The following SPOCK3 variants were observed in gnomAD, a reference collection of about 807,000 sequenced individuals.
SPOCK3 encodes SPARC (osteonectin), cwcv and kazal like domains proteoglycan 3, also known as testican-3.
In SPOCK3, 30 loss-of-function variants were observed where a neutral mutation model predicts 56.6. The ratio of observed to expected loss-of-function variants is 0.53; its 90% CI spans 0.40 to 0.72. SPOCK3 has a LOEUF of 0.72. Among genes scored for constraint, SPOCK3 ranks in the 30% least tolerant of loss-of-function variants. The pLI, the probability that SPOCK3 is intolerant of heterozygous loss-of-function variation, is 0.00. For synonymous variants in SPOCK3, 196 were observed against 183.3 expected (o/e 1.07, Z -0.56); for missense variants, 527 against 530.0 (o/e 0.99, Z 0.06).
At chr4:167,099,205 A>G (rs1207028111) in intron 2 of SPOCK3, among the ~76,000 whole-genome samples, 1 of 151,832 alleles carries the variant, frequency 6.6e-6, no homozygotes, top group Non-Finnish European at 1.5e-5. Flanking sequence ...ATCTCGGTTA[A>G]TGTATTAAAA....
At chr4:167,234,291 A>T in intron 1 of SPOCK3, 118 bp from the exon 2 acceptor site, 1 of 986,632 alleles carries the variant, frequency 1.0e-6, no homozygotes, top group Non-Finnish European at 1.5e-6. Context: ...AGGGAGGAGG[A>T]GACAAGCAGA....
At chr4:166,981,473 A>T (rs1196898234) in intron 4 of SPOCK3, among the ~76,000 whole-genome samples, 1 of 152,054 alleles carries the variant, frequency 6.6e-6, no homozygotes, top group Non-Finnish European at 1.5e-5. Context: ...CGACAAGTTG[A>T]AGAGACTCTA....
At chr4:167,050,049 T>A (rs1580124137) in intron 3 of SPOCK3, among the ~76,000 whole-genome samples, 1 of 152,186 alleles carries the variant, frequency 6.6e-6, no homozygotes, top group East Asian at 1.9e-4. Context: ...GTGTCTTCTA[T>A]AAAATACTTG....
chr4:166,971,455 T>TC (rs1469148537), intron 4 of SPOCK3, among the ~76,000 whole-genome samples: 24 of 151,226 alleles, frequency 1.6e-4, no homozygotes, highest in Non-Finnish European at 2.5e-4. Flanking sequence ...GTCTGTGGCT[T>TC]TTAACATGTC....
chr4:166,937,256 C>T (rs1218509476), intron 4 of SPOCK3, among the ~76,000 whole-genome samples: 1 of 151,706 alleles, frequency 6.6e-6, no homozygotes, highest in Non-Finnish European at 1.5e-5. Flanking sequence ...TAATACATTT[C>T]TGGAAATTTT....
intron 4 of SPOCK3, among the ~76,000 whole-genome samples, chr4:166,960,300 G>T (rs996774265): frequency 6.6e-6 from 1 of 152,130 alleles, no homozygotes; most frequent in African/African-American, 2.4e-5. Flanking sequence ...CAGATGGTAG[G>T]TATCACTCAT....
intron 2 of SPOCK3, among the ~76,000 whole-genome samples, chr4:167,129,070 G>T (rs1045786115): frequency 6.6e-6 from 1 of 152,160 alleles, no homozygotes; most frequent in African/African-American, 2.4e-5. Context: ...AAACACACCA[G>T]GAGAGGTACA....
intron 4 of SPOCK3, among the ~76,000 whole-genome samples, chr4:166,987,659 T>G (rs1747316297): frequency 1.3e-5 from 2 of 152,178 alleles, no homozygotes; most frequent in African/African-American, 4.8e-5. Flanking sequence ...GACAATAAAT[T>G]TGGCAACATA....
At chr4:167,165,373 C>T (rs779099738) in intron 2 of SPOCK3, among the ~76,000 whole-genome samples, 1 of 151,890 alleles carries the variant, frequency 6.6e-6, no homozygotes, top group African/African-American at 2.4e-5. Context: ...AAGAAAAAAA[C>T]AACCCCATCA....
At chr4:167,065,529 G>C (rs1756043396) in intron 2 of SPOCK3, among the ~76,000 whole-genome samples, 1 of 151,702 alleles carries the variant, frequency 6.6e-6, no homozygotes, top group Non-Finnish European at 1.5e-5. Context: ...TGGTTTTCCT[G>C]GTTATGTCAA....
At chr4:167,045,541 A>G (rs1450639618) in intron 3 of SPOCK3, among the ~76,000 whole-genome samples, 1 of 151,964 alleles carries the variant, frequency 6.6e-6, no homozygotes, top group East Asian at 1.9e-4. Context: ...ATTTCATAGA[A>G]TATTTATTAT....
intron 3 of SPOCK3, among the ~76,000 whole-genome samples, chr4:167,004,129 T>A (rs1579966286): frequency 6.6e-6 from 1 of 152,210 alleles, no homozygotes; most frequent in South Asian, 2.1e-4. Context: ...GGCAGAGATG[T>A]ATAAATAGTT....
intron 6 of SPOCK3, among the ~76,000 whole-genome samples, chr4:166,825,730 A>G (rs1038349400): frequency 6.6e-6 from 1 of 152,126 alleles, no homozygotes; most frequent in African/African-American, 2.4e-5. Flanking sequence ...CCATAAAACA[A>G]CAGCCTTGGC....
rs1176423336 is a variant in SPOCK3 at position 166,734,747 on chromosome 4, A to G, written c.*174T>C. 1 of 555,570 alleles carries G rather than the reference A, an allele frequency of 1.8e-6. No homozygotes were observed. Among genetic ancestry groups the G allele is most frequent in the Non-Finnish European group, 3.0e-6 (1 of 330,700 alleles). 34.4% of individuals were successfully genotyped at this position (555,570 alleles called of 1,614,324 possible). A position where few individuals can be genotyped will look rare whatever the true frequency, so the allele number is the denominator to read the frequency against. Reference sequence around the variant, plus strand: ...GGAATATAAAAACTCAAAGCAAATGATTCTTATTTAAACATAAAGTTCTAT... The same window carrying G: ...GGAATATAAAAACTCAAAGCAAATGGTTCTTATTTAAACATAAAGTTCTAT... On this transcript the variant is annotated 3_prime_UTR_variant, in exon 11 of 11. Transcript: ENST00000357545.
intron 3 of SPOCK3, among the ~76,000 whole-genome samples, chr4:167,001,257 C>A (rs983922777): frequency 6.6e-6 from 1 of 152,088 alleles, no homozygotes; most frequent in Admixed American, 6.6e-5. Flanking sequence ...CCAAACATAT[C>A]GTCTTGTTAT....
chr4:167,071,845 T>C (rs1199751958), intron 2 of SPOCK3, among the ~76,000 whole-genome samples: 2 of 152,050 alleles, frequency 1.3e-5, no homozygotes, highest in Non-Finnish European at 2.9e-5. Flanking sequence ...ACCAACAGTG[T>C]AAAGGGGTTC....
intron 2 of SPOCK3, among the ~76,000 whole-genome samples, chr4:167,207,295 A>G (rs1561324815): frequency 6.6e-6 from 1 of 152,042 alleles, no homozygotes; most frequent in Non-Finnish European, 1.5e-5. Flanking sequence ...CTGCTTATAG[A>G]GGTAAATGAA....
chr4:167,214,640 C>T (rs1735190778), intron 2 of SPOCK3, among the ~76,000 whole-genome samples: 1 of 152,070 alleles, frequency 6.6e-6, no homozygotes, highest in Admixed American at 6.6e-5. Context: ...AAAATAAAGT[C>T]TATAAATTTC....
intron 6 of SPOCK3, among the ~76,000 whole-genome samples, chr4:166,797,437 T>C (rs1461414605): frequency 6.6e-6 from 1 of 151,972 alleles, no homozygotes; most frequent in East Asian, 1.9e-4. Context: ...CAAAGAACTC[T>C]TTTGGCTTTT....
Sources: gnomAD v4.1 joint callset for allele counts (sites outside exome capture counted in the v4.1 genomes callset) on GRCh38, gnomAD v4.1.1 for gene constraint, MANE v1.5 for transcripts, NCBI Gene and HGNC (gene_info 2026-07-23, HGNC 2026-07-21) for gene names.